The following ROBO1 variants were observed in gnomAD, a reference collection of about 807,000 sequenced individuals.
ROBO1 encodes roundabout guidance receptor 1, also known as roundabout homolog 1.
ROBO1 carries 149 observed loss-of-function variants against 195.9 expected under a neutral mutation model. The ratio of observed to expected loss-of-function variants is 0.76; its 90% CI spans 0.67 to 0.87. The LOEUF is 0.87. Ranked by LOEUF, ROBO1 falls within the 40% of genes least tolerant of loss-of-function variation. The pLI, the probability that ROBO1 is intolerant of heterozygous loss-of-function variation, is 0.00. For missense variants in ROBO1, 1,933 were observed against 2,068.3 expected (o/e 0.93, Z 1.27); for synonymous variants, 816 against 733.2 (o/e 1.11, Z -1.82).
Position 79,379,204 on chromosome 3 carries a change from G to T in ROBO1, c.88+210620C>A, listed in dbSNP as rs752488899. On this transcript the variant is annotated intron_variant, in intron 2 of 30. Transcript: ENST00000464233. ...AATGTATTTCAAGACAAGATACTAA[G>T]GCTTGACTGTGGTAGTTATTGCTCT... is the stretch of plus-strand genomic sequence containing the variant. 5.9e-5 allele frequency among the ~76,000 whole-genome samples: 9 copies of T among 152,286 alleles called. No individual in the cohort carries two copies. The Middle Eastern group carries it at 0.01, about 173-fold the overall frequency.
chr3:78,668,699 T>C, intron 11 of ROBO1, 134 bp from the exon 12 acceptor site: 1 of 644,920 alleles, frequency 1.6e-6, no homozygotes, highest in East Asian at 2.8e-5. Flanking sequence ...AACTTCCCCT[T>C]AGTTGAATAT....
chr3:78,833,678 G>C (rs1322123723), intron 4 of ROBO1, among the ~76,000 whole-genome samples: 1 of 152,068 alleles, frequency 6.6e-6, no homozygotes, highest in Non-Finnish European at 1.5e-5. Context: ...TTAGTTCTGA[G>C]CCTGGCCTTC....
chr3:79,630,802 T>C (rs1036994160), intron 1 of ROBO1, among the ~76,000 whole-genome samples: 1 of 151,942 alleles, frequency 6.6e-6, no homozygotes, highest in East Asian at 1.9e-4. Flanking sequence ...AAAATCAACA[T>C]AAAAAAATCA....
intron 1 of ROBO1, among the ~76,000 whole-genome samples, chr3:79,656,029 C>G (rs6775448): frequency 0.6 from 90,406 of 151,834 alleles, 27,394 homozygotes; most frequent in African/African-American, 0.7. Flanking sequence ...TTTGTAAAGT[C>G]AGCACAAGAA....
chr3:79,727,224 C>G (rs769168809), intron 1 of ROBO1, among the ~76,000 whole-genome samples: 16 of 151,986 alleles, frequency 1.1e-4, no homozygotes, highest in African/African-American at 3.6e-4. Flanking sequence ...ATAAACAAAC[C>G]AGGTGAAAAA....
intron 4 of ROBO1, chr3:78,937,867 T>A (rs1269890105): frequency 1.3e-5 from 2 of 152,178 alleles, no homozygotes; most frequent in Admixed American, 1.3e-4. Context: ...TAGAAATGGT[T>A]TAAAACCCTA....
chr3:79,674,837 TGTGTGTGTGTG>T (rs1276865369), intron 1 of ROBO1, among the ~76,000 whole-genome samples: 14 of 150,996 alleles, frequency 9.3e-5, no homozygotes, highest in Non-Finnish European at 1.9e-4. Flanking sequence ...CGTGTGTGTG[TGTGTGTGTGTG>T]TGTGTGTGTG....
chr3:79,366,899 G>A (rs369999635), intron 2 of ROBO1, among the ~76,000 whole-genome samples: 4 of 150,704 alleles, frequency 2.7e-5, no homozygotes, highest in African/African-American at 9.8e-5. Flanking sequence ...AGAAACAGGG[G>A]GAAGCTCTTA....
At chr3:78,980,039 C>A (rs1296346265) in intron 3 of ROBO1, among the ~76,000 whole-genome samples, 10 of 152,136 alleles carry the variant, frequency 6.6e-5, no homozygotes, top group Admixed American at 6.6e-4. Context: ...TAATTTCCTA[C>A]ACTTTAATAC....
intron 2 of ROBO1, among the ~76,000 whole-genome samples, chr3:79,297,321 G>A (rs1263827159): frequency 6.6e-6 from 1 of 152,120 alleles, no homozygotes; most frequent in East Asian, 1.9e-4. Context: ...TACATCAAAA[G>A]AGCCTGTCAC....
At chr3:78,896,989 C>A (rs947480856) in intron 4 of ROBO1, among the ~76,000 whole-genome samples, 3 of 152,170 alleles carry the variant, frequency 2.0e-5, no homozygotes, top group Non-Finnish European at 4.4e-5. Flanking sequence ...GAAAATGCAA[C>A]AAAACTGTAT....
intron 2 of ROBO1, among the ~76,000 whole-genome samples, chr3:79,546,903 C>T (rs1942283181): frequency 6.6e-6 from 1 of 152,022 alleles, no homozygotes; most frequent in African/African-American, 2.4e-5. Flanking sequence ...GACTTGAGGC[C>T]GGGCGCGGTG....
At chr3:79,371,942 T>C (rs2036210705) in intron 2 of ROBO1, among the ~76,000 whole-genome samples, 1 of 152,154 alleles carries the variant, frequency 6.6e-6, no homozygotes, top group South Asian at 2.1e-4. Context: ...GGGATGAAAC[T>C]GTTCCACCTC....
Position 78,617,899 on chromosome 3 carries a change from T to C in ROBO1, c.4018A>G (p.Lys1340Glu). The change falls in exon 27 of 31, where the codon AAG becomes GAG. Residue 1340 changes from lysine (K) to glutamate (E), a missense_variant. Lys to Glu is a moderately conservative substitution (Grantham distance 56, BLOSUM62 1). Around this residue, in one of 3 missense-constraint regions of ROBO1, gnomAD observed 1,737 missense variants for 1,882.5 expected, o/e 0.92. Transcript: ENST00000464233. ...EEDEADMEVAKMQTRRLLLRG... is the reference protein window; with the variant it reads ...EEDEADMEVAEMQTRRLLLRG... ...AACAAAAGCCTTCTGGTTTGCATCT[T>C]GGCTACCTCCATGTCGGCTTCGTCT... 1 of 1,614,036 alleles carries C rather than the reference T, an allele frequency of 6.2e-7. No homozygotes were observed. Among genetic ancestry groups the C allele is most frequent in the Admixed American group, 1.7e-5 (1 of 60,026 alleles).
At chr3:78,671,364 T>A (rs1278799073) in intron 10 of ROBO1, among the ~76,000 whole-genome samples, 1 of 152,008 alleles carries the variant, frequency 6.6e-6, no homozygotes, top group Non-Finnish European at 1.5e-5. Flanking sequence ...TTGAAAATTC[T>A]GGATGTTAAT....
At chr3:79,726,241 T>A (rs1464092835) in intron 1 of ROBO1, among the ~76,000 whole-genome samples, 7 of 152,200 alleles carry the variant, frequency 4.6e-5, no homozygotes, top group Admixed American at 2.0e-4. Flanking sequence ...GGACACCAGT[T>A]GTGAAAGGAT....
At chr3:79,136,883 A>C (rs2108600873) in intron 2 of ROBO1, among the ~76,000 whole-genome samples, 1 of 152,204 alleles carries the variant, frequency 6.6e-6, no homozygotes, top group South Asian at 2.1e-4. Flanking sequence ...AGAAATATTT[A>C]GTAAGTGATG....
At position 78,717,283 on chromosome 3, in the gene ROBO1, G is replaced by A. The variant is rs376915558; in HGVS notation, c.909C>T (p.Pro303=). 1 of 1,571,762 alleles carries A rather than the reference G, an allele frequency of 6.4e-7. No individual in the cohort carries two copies. Residue 303 remains proline (P), a synonymous_variant, in exon 7 of 31, where the codon CCC becomes CCT. Transcript: ENST00000464233. Reference sequence around the variant, plus strand: ...GAAACTCTGATGTGTACCTGGATTTGGGCAGCTCTCCATCATCTTTCCTCC... The same window carrying A: ...GAAACTCTGATGTGTACCTGGATTTAGGCAGCTCTCCATCATCTTTCCTCC... ...VRWRKDDGEL[P]KSRYEIRDDH... is the part of the protein sequence containing the mutation.
chr3:78,764,568 T>C (rs551374166), intron 4 of ROBO1, among the ~76,000 whole-genome samples: 2 of 152,276 alleles, frequency 1.3e-5, no homozygotes, highest in East Asian at 1.9e-4. Context: ...GCTTATCTTA[T>C]AGTTTTCCCA....
Sources: gnomAD v4.1 joint callset for allele counts (sites outside exome capture counted in the v4.1 genomes callset) on GRCh38, gnomAD v4.1.1 for gene constraint, gnomAD v4.1.1 regional missense constraint, MANE v1.5 for transcripts, NCBI Gene and HGNC (gene_info 2026-07-23, HGNC 2026-07-21) for gene names.